Variants in SNRNP40 observed in about 807,000 individuals in gnomAD.
SNRNP40 encodes the protein U5 small nuclear ribonucleoprotein 40 kDa protein.
In SNRNP40, 21 loss-of-function variants were observed where a neutral mutation model predicts 45.8. That is an observed-to-expected ratio of 0.46 (90% CI 0.32 to 0.66). The LOEUF is 0.66. SNRNP40 is among the 30% of genes least tolerant of loss of function. The pLI is 0.03. For missense variants in SNRNP40, 344 were observed against 439.1 expected (o/e 0.78, Z 1.94); for synonymous variants, 142 against 163.8 (o/e 0.87, Z 1.01).
chr1:31,292,506 C>T (rs759026354), intron 2 of SNRNP40, among the ~76,000 whole-genome samples: 3 of 152,152 alleles, frequency 2.0e-5, no homozygotes, highest in Non-Finnish European at 2.9e-5. Context: ...ATCATAGAGC[C>T]GGAACATCCA....
intron 1 of SNRNP40, among the ~76,000 whole-genome samples, chr1:31,295,745 T>C (rs1479972368): frequency 6.6e-6 from 1 of 152,182 alleles, no homozygotes; most frequent in African/African-American, 2.4e-5. Context: ...TGGTAACAGG[T>C]GCTGATACAA....
intron 1 of SNRNP40, among the ~76,000 whole-genome samples, chr1:31,296,385 C>T (rs1364535559): frequency 6.6e-6 from 1 of 152,218 alleles, no homozygotes; most frequent in Non-Finnish European, 1.5e-5. Flanking sequence ...AATTCTAATG[C>T]TATCTCAGGG....
intron 5 of SNRNP40, among the ~76,000 whole-genome samples, chr1:31,278,326 T>C (rs1156427627): frequency 5.9e-5 from 9 of 152,222 alleles, no homozygotes; most frequent in Non-Finnish European, 1.0e-4. Flanking sequence ...AAGAGTATTA[T>C]TGTTAGGTTA....
At chr1:31,284,482 T>C (rs1054617743) in intron 4 of SNRNP40, among the ~76,000 whole-genome samples, 27 of 152,282 alleles carry the variant, frequency 1.8e-4, no homozygotes, top group African/African-American at 5.1e-4. Flanking sequence ...CAAACCCTTA[T>C]AGCTCTACTT....
At chr1:31,290,693 C>G (rs61779440) in intron 3 of SNRNP40, among the ~76,000 whole-genome samples, 1 of 151,608 alleles carries the variant, frequency 6.6e-6, no homozygotes, top group Non-Finnish European at 1.5e-5. Flanking sequence ...CTGGCTAACA[C>G]GGTGAAACCC....
At chr1:31,281,990 A>T (rs1266123966) in intron 4 of SNRNP40, 1 of 152,654 alleles carries the variant, frequency 6.6e-6, no homozygotes, top group African/African-American at 2.4e-5. Context: ...AACTGTTGGA[A>T]CTCTCAAAAC....
chr1:31,262,022 T>C (rs1376559187), intron 8 of SNRNP40, among the ~76,000 whole-genome samples: 1 of 152,190 alleles, frequency 6.6e-6, no homozygotes, highest in African/African-American at 2.4e-5. Context: ...ACCCAACTCA[T>C]GGCAGGGTGG....
intron 3 of SNRNP40, 118 bp from the exon 4 acceptor site, chr1:31,289,537 C>T: frequency 2.4e-6 from 2 of 817,112 alleles, no homozygotes; most frequent in South Asian, 3.3e-5. Flanking sequence ...CTGTGCTACG[C>T]CAGTTTGCCC....
rs761331571 is a variant in SNRNP40 at position 31,260,065 on chromosome 1, C to T, written c.*7G>A. 22 of 1,606,292 alleles carry T rather than the reference C, an allele frequency of 1.4e-5. No homozygotes were observed. The highest frequency in any genetic ancestry group is 2.2e-5 in the East Asian group (1 of 44,852). On this transcript the variant is annotated 3_prime_UTR_variant, in exon 10 of 10. Transcript: ENST00000263694. ...CAAGCGGCCTTGGAGTCTTCCAGTC[C>T]ATATCTTCACTGAATCTCTCCCATA...
chr1:31,290,995 T>G (rs1646102282), intron 3 of SNRNP40, among the ~76,000 whole-genome samples: 1 of 151,574 alleles, frequency 6.6e-6, no homozygotes, highest in South Asian at 2.1e-4. Flanking sequence ...ATGTATAAAA[T>G]TAACAGTGAT....
At chr1:31,270,694 C>T (rs1645931474) in intron 6 of SNRNP40, among the ~76,000 whole-genome samples, 2 of 151,906 alleles carry the variant, frequency 1.3e-5, no homozygotes, top group South Asian at 4.1e-4. Context: ...TTATTAAGTA[C>T]CCAATGAATG....
Position 31,261,533 on chromosome 1 carries a change from G to A in SNRNP40, c.1020C>T (p.Pro340=). The change falls in exon 9 of 10, where the codon CCC becomes CCT. Residue 340 remains proline, a synonymous_variant. Coordinates refer to ENST00000263694, the MANE Select transcript of SNRNP40 (RefSeq NM_004814.3). The part of the protein sequence containing the change: ...INEVAFHPDE[P]IIISASSDKR... ...CCCTCGTTGGGACAGACTTACTGAT[G>A]GGCTCATCAGGGTGGAAAGCCACTT... 4 of 1,606,228 alleles carry A rather than the reference G, an allele frequency of 2.5e-6. No individual in the cohort carries two copies. The highest frequency in any genetic ancestry group is 3.4e-6 in the Non-Finnish European group (4 of 1,172,968).
At chr1:31,273,968 TG>T (rs943619833) in intron 5 of SNRNP40, among the ~76,000 whole-genome samples, 13 of 151,996 alleles carry the variant, frequency 8.6e-5, no homozygotes, top group Admixed American at 2.6e-4. Context: ...TTTTTGTTTT[TG>T]TTTTTTTTTT....
intron 8 of SNRNP40, among the ~76,000 whole-genome samples, chr1:31,267,146 G>C (rs554094605): frequency 6.6e-6 from 1 of 152,306 alleles, no homozygotes; most frequent in East Asian, 1.9e-4. Context: ...AGAGAACCTA[G>C]AGGTGAGAAC....
At chr1:31,262,782 G>T (rs1645869240) in intron 8 of SNRNP40, among the ~76,000 whole-genome samples, 1 of 151,856 alleles carries the variant, frequency 6.6e-6, no homozygotes, top group Admixed American at 6.6e-5. Flanking sequence ...CACTTTGGGG[G>T]GCCAAGGCTT....
At chr1:31,276,164 AAC>A (rs1291189221) in intron 5 of SNRNP40, among the ~76,000 whole-genome samples, 7 of 152,222 alleles carry the variant, frequency 4.6e-5, no homozygotes, top group African/African-American at 1.7e-4. Flanking sequence ...TAATTAATGT[AAC>A]AATTATATGA....
intron 4 of SNRNP40, among the ~76,000 whole-genome samples, chr1:31,283,834 A>G (rs1646036802): frequency 6.6e-6 from 1 of 152,260 alleles, no homozygotes; most frequent in Non-Finnish European, 1.5e-5. Flanking sequence ...CTGGCTAACC[A>G]CATGCCAAAG....
intron 8 of SNRNP40, among the ~76,000 whole-genome samples, chr1:31,264,816 T>C (rs951754495): frequency 1.3e-5 from 2 of 152,140 alleles, no homozygotes; most frequent in Non-Finnish European, 2.9e-5. Flanking sequence ...GTTTGCCAAA[T>C]CCAGGCCAAG....
chr1:31,269,790 A>G (rs1318853557), intron 6 of SNRNP40: 1 of 155,660 alleles, frequency 6.4e-6, no homozygotes, highest in African/African-American at 2.4e-5. Context: ...CATTGATTCT[A>G]TCTCTGTTAC....
Sources: gnomAD v4.1 joint callset for allele counts (sites outside exome capture counted in the v4.1 genomes callset) on GRCh38, gnomAD v4.1.1 for gene constraint, MANE v1.5 for transcripts, NCBI Gene and HGNC (gene_info 2026-07-23, HGNC 2026-07-21) for gene names.